The following AGAP3 variants were observed in gnomAD, a reference collection of about 807,000 sequenced individuals.
The protein encoded by AGAP3 is ArfGAP with GTPase domain, ankyrin repeat and PH domain 3.
Under a neutral mutation model 96.9 loss-of-function variants are expected in AGAP3, and 24 were observed. The ratio of observed to expected loss-of-function variants is 0.25; its 90% CI spans 0.18 to 0.35. The LOEUF (loss-of-function observed/expected upper bound fraction) is 0.35, where lower values mean the gene tolerates loss of function less well. Among genes scored for constraint, AGAP3 ranks in the 10% least tolerant of loss-of-function variants. The pLI, the probability that AGAP3 is intolerant of heterozygous loss-of-function variation, is 1.00. For synonymous variants in AGAP3, 563 were observed against 536.1 expected (o/e 1.05, Z -0.69); for missense variants, 876 against 1,254.2 (o/e 0.70, Z 4.55).
At chr7:151,092,296 G>C (rs755245727) in intron 1 of AGAP3, among the ~76,000 whole-genome samples, 10 of 152,152 alleles carry the variant, frequency 6.6e-5, no homozygotes, top group African/African-American at 9.7e-5. Flanking sequence ...AGCCAAGGCT[G>C]GGGGGAGACA....
At chr7:151,115,788 G>C in intron 1 of AGAP3, 1 of 444,882 alleles carries the variant, frequency 2.2e-6, no homozygotes, top group Non-Finnish European at 3.2e-6. Flanking sequence ...CTGGCGTCTG[G>C]GGTCTTCGGC....
intron 7 of AGAP3, among the ~76,000 whole-genome samples, chr7:151,119,563 G>C (rs1799766531): frequency 6.6e-6 from 1 of 152,198 alleles, no homozygotes; most frequent in African/African-American, 2.4e-5. Flanking sequence ...CCCGCCTCCT[G>C]GCCTCCTGCA....
chr7:151,087,515 C>A (rs578006616), intron 1 of AGAP3, among the ~76,000 whole-genome samples: 2 of 152,196 alleles, frequency 1.3e-5, no homozygotes, highest in African/African-American at 4.8e-5. Flanking sequence ...CGCCCGCAGG[C>A]CCGGAGGGTG....
rs1563524165 is a variant in AGAP3 at position 151,138,234 on chromosome 7, C to G, written c.1587C>G (p.His529Gln). 2 of 1,612,608 alleles carry G rather than the reference C, an allele frequency of 1.2e-6. No individual in the cohort carries two copies. Among genetic ancestry groups the G allele is most frequent in the African/African-American group, 1.3e-5 (1 of 75,048 alleles). ...AWAGPRPEGLHQRSCSVSSAD... is the reference protein window; with the variant it reads ...AWAGPRPEGLQQRSCSVSSAD... Reference sequence around the variant, plus strand: ...CTGGCCCGCGCCCTGAGGGGCTGCACCAGCGCTCCTGCTCCGTTTCCAGCG... The same window carrying G: ...CTGGCCCGCGCCCTGAGGGGCTGCAGCAGCGCTCCTGCTCCGTTTCCAGCG... The change falls in exon 12 of 18, where the codon CAC becomes CAG. Residue 529 changes from histidine (H) to glutamine (Q), a missense_variant. By Grantham distance (24) the His-to-Gln change is conservative (BLOSUM62 0). Around this residue, in one of 8 missense-constraint regions of AGAP3, gnomAD observed 155 missense variants for 144.4 expected, o/e 1.07. Transcript: ENST00000397238.
Position 151,134,685 on chromosome 7 carries a change from C to T in AGAP3, c.1495+117C>T, listed in dbSNP as rs77593983. ...GCACAGGGTGCTGGCCAGCATCACA[C>T]TTCAAGGTCATCTCAGCCAAAGACA... is the stretch of plus-strand genomic sequence containing the variant. On this transcript the variant is annotated intron_variant, in intron 11 of 17. Coordinates refer to ENST00000397238, the MANE Select transcript of AGAP3 (RefSeq NM_031946.7). The T allele has an allele frequency of 2.0e-3, 2,191 of 1,079,218 alleles. 24 individuals carry two copies. The African/African-American group carries it at 0.03, about 15-fold the overall frequency. The allele number at this position is 1,079,218 out of a possible 1,614,324, so 66.9% of individuals were successfully genotyped here. A position where few individuals can be genotyped will look rare whatever the true frequency, so the allele number is the denominator to read the frequency against.
chr7:151,094,320 A>G (rs1798513470), intron 1 of AGAP3, among the ~76,000 whole-genome samples: 1 of 152,118 alleles, frequency 6.6e-6, no homozygotes, highest in South Asian at 2.1e-4. Context: ...ACAAATTTTC[A>G]GAAGAAAATG....
At position 151,118,653 on chromosome 7, in the gene AGAP3, T is replaced by C. The variant is rs778921766; in HGVS notation, c.969+21T>C. Reference sequence around the variant, plus strand: ...ACCAGGTTCGGCCTGTGCCCCGCCCTGCCCTTCCTGTCCCCACCATGTCTG... The same window carrying C: ...ACCAGGTTCGGCCTGTGCCCCGCCCCGCCCTTCCTGTCCCCACCATGTCTG... On this transcript the variant is annotated intron_variant, in intron 7 of 17. Transcript: ENST00000397238. The surrounding 1 kb of genome is among the most constrained non-coding windows in gnomAD (Gnocchi z 6.1). The C allele has an allele frequency of 6.2e-6, 10 of 1,607,862 alleles. No homozygotes were observed. The highest frequency in any genetic ancestry group is 8.5e-6 in the Non-Finnish European group (10 of 1,178,778).
rs1799720254 is a variant in AGAP3 at position 151,118,745 on chromosome 7, C to T, written c.969+113C>T. ...TCACACCTGTCCACCTTCCTCTGGCCTCCCAGCCTTGCATGTTGCTTGGAA... is the reference window on the plus strand; with the variant it reads ...TCACACCTGTCCACCTTCCTCTGGCTTCCCAGCCTTGCATGTTGCTTGGAA... On this transcript the variant is annotated intron_variant, in intron 7 of 17. Coordinates refer to ENST00000397238, the MANE Select transcript of AGAP3 (RefSeq NM_031946.7). The surrounding 1 kb of genome is among the most constrained non-coding windows in gnomAD (Gnocchi z 6.1). 7.2e-7 allele frequency: 1 copy of T among 1,386,364 alleles called. No homozygotes were observed. Among genetic ancestry groups the T allele is most frequent in the African/African-American group, 1.4e-5 (1 of 70,436 alleles). 85.9% of individuals were successfully genotyped at this position (1,386,364 alleles called of 1,614,324 possible).
At chr7:151,123,571 G>T in intron 8 of AGAP3, 2 of 1,376,728 alleles carry the variant, frequency 1.5e-6, no homozygotes, top group Non-Finnish European at 1.9e-6. Flanking sequence ...TGTAAGGGGC[G>T]GGCCCGGCTC....
rs548243901 is a variant in AGAP3, at chr7:151,108,748, A to C, written c.332-8045A>C. ...TTAGAGGCCCAAGCTCCAGCCTGGGATTCTGGAGTCCTGGGCCCTGCCCAG... is the reference window on the plus strand; with the variant it reads ...TTAGAGGCCCAAGCTCCAGCCTGGGCTTCTGGAGTCCTGGGCCCTGCCCAG... On this transcript the variant is annotated intron_variant, in intron 1 of 17. Transcript: ENST00000397238. This position sits in a 1 kb window ranked among gnomAD's most constrained non-coding sequence, Gnocchi z 4.2. Among the ~76,000 whole-genome samples the C allele has an allele frequency of 2.0e-5, 3 of 152,310 alleles. No homozygotes were observed. Among genetic ancestry groups the C allele is most frequent in the Admixed American group, 6.5e-5 (1 of 15,306 alleles).
At chr7:151,121,032 T>C (rs1370805061) in intron 8 of AGAP3, 1 of 197,742 alleles carries the variant, frequency 5.1e-6, no homozygotes, top group African/African-American at 2.4e-5. Flanking sequence ...CATGCGCCTC[T>C]TTCCGAGAGC....
In AGAP3 at chr7:151,114,259, G is replaced by A. The variant is rs1170415126; in HGVS notation, c.332-2534G>A. On this transcript the variant is annotated intron_variant, in intron 1 of 17. Coordinates refer to ENST00000397238, the MANE Select transcript of AGAP3 (RefSeq NM_031946.7). The surrounding 1 kb of genome is among the most constrained non-coding windows in gnomAD (Gnocchi z 4.4). The stretch of plus-strand genomic sequence containing the variant: ...CAGACGAGGACACGCGCGCAGACCC[G>A]GCATGGCTGCCTCTGACGTCTCACT... 6.6e-6 allele frequency among the ~76,000 whole-genome samples: 1 copy of A among 152,248 alleles called. No individual in the cohort carries two copies. Among genetic ancestry groups the A allele is most frequent in the Non-Finnish European group, 1.5e-5 (1 of 68,044 alleles).
chr7:151,114,726 C>A lies in AGAP3; in HGVS notation c.332-2067C>A. 2.0e-6 allele frequency: 2 copies of A among 1,006,660 alleles called. No homozygotes were observed. Among genetic ancestry groups the A allele is most frequent in the Non-Finnish European group, 2.4e-6 (2 of 845,058 alleles). The allele number at this position is 1,006,660 out of a possible 1,614,324, so 62.4% of individuals were successfully genotyped here. A position where few individuals can be genotyped will look rare whatever the true frequency, so the allele number is the denominator to read the frequency against. On this transcript the variant is annotated intron_variant, in intron 1 of 17. Coordinates refer to ENST00000397238, the MANE Select transcript of AGAP3 (RefSeq NM_031946.7). The surrounding 1 kb of genome is among the most constrained non-coding windows in gnomAD (Gnocchi z 4.4). ...CGCGGCCCCGGCCCGGGCCCAGCCCCGTGCCCCTCGCCATGGGCCTGGCCC... is the reference window on the plus strand; with the variant it reads ...CGCGGCCCCGGCCCGGGCCCAGCCCAGTGCCCCTCGCCATGGGCCTGGCCC...
intron 1 of AGAP3, among the ~76,000 whole-genome samples, chr7:151,105,592 CAA>C (rs1224036230): frequency 2.6e-4 from 18 of 70,350 alleles, no homozygotes; most frequent in Middle Eastern, 7.5e-3. Context: ...CCCGTCTCTA[CAA>C]AAAAAAAAAA....
At chr7:151,137,302 C>T (rs1010114589) in intron 11 of AGAP3, among the ~76,000 whole-genome samples, 4 of 152,254 alleles carry the variant, frequency 2.6e-5, no homozygotes, top group South Asian at 2.1e-4. Context: ...CAGCACCTGG[C>T]GGGCTCCTCC....
Position 151,133,411 on chromosome 7 carries a change from A to G in AGAP3, c.1327-989A>G, listed in dbSNP as rs2150519869. The stretch of plus-strand genomic sequence containing the variant: ...AGGAGGCCCAGCGGGGCTCCAGGCC[A>G]GGAAGCGGCAGGCTCCCACCCTCCC... On this transcript the variant is annotated intron_variant, in intron 10 of 17. Transcript: ENST00000397238. The surrounding 1 kb of genome is among the most constrained non-coding windows in gnomAD (Gnocchi z 5.4). 6.6e-6 allele frequency among the ~76,000 whole-genome samples: 1 copy of G among 152,304 alleles called. No individual in the cohort carries two copies. The highest frequency in any genetic ancestry group is 1.5e-5 in the Non-Finnish European group (1 of 68,014).
rs1415729478 is a variant in AGAP3 at position 151,111,344 on chromosome 7, C to T, written c.332-5449C>T. Among the ~76,000 whole-genome samples, 11 of 152,326 alleles carry T rather than the reference C, an allele frequency of 7.2e-5. No homozygotes were observed. The East Asian group carries it at 7.7e-4, about 11-fold the overall frequency. On this transcript the variant is annotated intron_variant, in intron 1 of 17. Coordinates refer to ENST00000397238, the MANE Select transcript of AGAP3 (RefSeq NM_031946.7). ...ACCCTGCGGAGCTGGCCACAAGCTC[C>T]GGCTTTCAGGAGAAGGCTTATCCAT...
rs1411094443 is a variant in AGAP3, at chr7:151,096,241, G to T, written c.331+9169G>T. ...AGGTGAGGGCTGCATGAGATCACAG[G>T]AATGACCATTTCCGGACCCGAGCCT... On this transcript the variant is annotated intron_variant, in intron 1 of 17. Coordinates refer to ENST00000397238, the MANE Select transcript of AGAP3 (RefSeq NM_031946.7). The surrounding 1 kb of genome is among the most constrained non-coding windows in gnomAD (Gnocchi z 4.4). 6.6e-6 allele frequency among the ~76,000 whole-genome samples: 1 copy of T among 152,178 alleles called. No individual in the cohort carries two copies. The highest frequency in any genetic ancestry group is 6.5e-5 in the Admixed American group (1 of 15,282).
chr7:151,131,283 A>T (rs909975353), intron 10 of AGAP3: 10 of 152,254 alleles, frequency 6.6e-5, no homozygotes, highest in Non-Finnish European at 1.5e-4. Flanking sequence ...TTCTATCTGC[A>T]ACATCAATTA....
Sources: gnomAD v4.1 joint callset for allele counts (sites outside exome capture counted in the v4.1 genomes callset) on GRCh38, gnomAD v4.1.1 for gene constraint, gnomAD v4.1.1 regional missense constraint, Gnocchi (gnomAD v3.1) non-coding constraint, MANE v1.5 for transcripts, NCBI Gene and HGNC (gene_info 2026-07-23, HGNC 2026-07-21) for gene names.